The following MRNIP variants were observed in gnomAD, a reference collection of about 807,000 sequenced individuals.
MRNIP encodes the protein MRN complex-interacting protein.
In MRNIP, 30 loss-of-function variants were observed where a neutral mutation model predicts 29.8. The ratio of observed to expected loss-of-function variants is 1.01; its 90% CI spans 0.75 to 1.36. MRNIP has a LOEUF of 1.36. Ranked by LOEUF, MRNIP falls within the 40% of genes most tolerant of loss-of-function variation. The probability of loss-of-function intolerance (pLI) is 0.00; values close to 1 mark genes in which losing one functional copy is unlikely to be tolerated. For missense variants in MRNIP, 459 were observed against 423.5 expected (o/e 1.08, Z -0.74); for synonymous variants, 201 against 164.1 (o/e 1.23, Z -1.72).
At chr5:179,846,483 G>C (rs112379609) in intron 3 of MRNIP, among the ~76,000 whole-genome samples, 1 of 151,850 alleles carries the variant, frequency 6.6e-6, no homozygotes. Flanking sequence ...GGATTTCATC[G>C]TATTGGCCAG....
At chr5:179,840,661 C>A (rs1471198700) in intron 6 of MRNIP, 4 of 599,964 alleles carry the variant, frequency 6.7e-6, no homozygotes, top group Non-Finnish European at 1.2e-5. Flanking sequence ...TCCTGAGTTA[C>A]CCTCATGGGA....
chr5:179,847,567 T>C (rs1240607082), intron 3 of MRNIP: 1 of 161,926 alleles, frequency 6.2e-6, no homozygotes, highest in Non-Finnish European at 1.4e-5. Flanking sequence ...ACTGCCATAT[T>C]GTAAGACGTG....
intron 1 of MRNIP, among the ~76,000 whole-genome samples, chr5:179,854,710 A>G (rs1454853021): frequency 6.6e-6 from 1 of 152,224 alleles, no homozygotes; most frequent in African/African-American, 2.4e-5. Flanking sequence ...AACCAAATCC[A>G]AACAAAACAA....
At position 179,837,466 on chromosome 5, in the gene MRNIP, C is replaced by T. The variant is rs139424223; in HGVS notation, c.957G>A (p.Leu319=). The change falls in exon 7 of 7, where the codon CTG becomes CTA. Residue 319 remains leucine, a synonymous_variant. Coordinates refer to ENST00000292586, the MANE Select transcript of MRNIP (RefSeq NM_016175.4). ...TPWAEGGPLV[L]EAQNPRPTRL... is the part of the protein sequence containing the mutation. ...GTGTGGGTCGAGGATTCTGTGCCTC[C>T]AGGACCAGGGGCCCACCCTCTGCCC... is the stretch of plus-strand genomic sequence containing the variant. 4.3e-6 allele frequency: 7 copies of T among 1,613,614 alleles called. No homozygotes were observed. In the African/African-American group the frequency reaches 9.3e-5, roughly 22 times the overall value.
intron 2 of MRNIP, 105 bp downstream of exon 2, chr5:179,853,273 A>G (rs1288887262): frequency 6.3e-7 from 1 of 1,598,276 alleles, no homozygotes; most frequent in Non-Finnish European, 8.5e-7. Flanking sequence ...GTGTCTGGGG[A>G]ACTCTGTTTG....
chr5:179,846,208 G>C (rs1759122699), intron 3 of MRNIP: 1 of 151,838 alleles, frequency 6.6e-6, no homozygotes, highest in Non-Finnish European at 1.5e-5. Context: ...TCCTGGTGGT[G>C]TATTTCCTTG....
intron 4 of MRNIP, among the ~76,000 whole-genome samples, chr5:179,843,079 G>GAGGGAGGC (rs1758981397): frequency 7.3e-6 from 1 of 136,902 alleles, no homozygotes; most frequent in Non-Finnish European, 1.6e-5. Context: ...GGGAGGGAGG[G>GAGGGAGGC]AGGCAGGCAA....
chr5:179,842,184 A>C (rs1385581204), intron 4 of MRNIP, 120 bp from the exon 5 acceptor site: 7 of 979,704 alleles, frequency 7.1e-6, no homozygotes, highest in Non-Finnish European at 1.1e-5. Context: ...CCACTCTAGG[A>C]AAGGCACCGG....
rs369375575 is a variant in MRNIP, at chr5:179,841,859, G to C, written c.449+48C>G. The C allele has an allele frequency of 3.8e-6, 6 of 1,584,860 alleles. No homozygotes were observed. In the African/African-American group the frequency reaches 8.1e-5, roughly 21 times the overall value. ...GGCTCACTGGTGCCCCACTGCTGGA[G>C]GCAGCAGAGGCCCTGGGCCAGGGCT... On this transcript the variant is annotated intron_variant, in intron 5 of 6. Coordinates refer to ENST00000292586, the MANE Select transcript of MRNIP (RefSeq NM_016175.4).
chr5:179,851,039 G>C (rs887701410), intron 2 of MRNIP: 2 of 362,524 alleles, frequency 5.5e-6, no homozygotes, highest in Admixed American at 7.0e-5. Context: ...ATCTTCCCAG[G>C]ACTGTTATGA....
chr5:179,851,882 G>A (rs1759384583), intron 2 of MRNIP, among the ~76,000 whole-genome samples: 1 of 152,018 alleles, frequency 6.6e-6, no homozygotes, highest in Non-Finnish European at 1.5e-5. Flanking sequence ...GGAGGCTGAG[G>A]CAGGAGAATG....
chr5:179,840,696 G>C (rs372505727), intron 6 of MRNIP, 176 bp downstream of exon 6: 31 of 620,436 alleles, frequency 5.0e-5, no homozygotes, highest in Admixed American at 2.3e-4. Flanking sequence ...GAGGGAAAAG[G>C]GGGTACAGAC....
rs577212439 is a variant in MRNIP, at chr5:179,844,024, C to T, written c.291+128G>A. ...TTATTTATTTTTGTGTTCCCTGCAG[C>T]TTTAAGCCAACTGCCTGTCATTGGG... On this transcript the variant is annotated intron_variant, in intron 4 of 6. Coordinates refer to ENST00000292586, the MANE Select transcript of MRNIP (RefSeq NM_016175.4). The T allele has an allele frequency of 2.2e-5, 17 of 772,446 alleles. No homozygotes were observed. The East Asian group carries it at 2.2e-4, about 10-fold the overall frequency. 47.8% of individuals were successfully genotyped at this position (772,446 alleles called of 1,614,324 possible). A position where few individuals can be genotyped will look rare whatever the true frequency, so the allele number is the denominator to read the frequency against.
At chr5:179,845,836 G>A (rs1412556420) in intron 3 of MRNIP, 1 of 152,080 alleles carries the variant, frequency 6.6e-6, no homozygotes, top group African/African-American at 2.4e-5. Flanking sequence ...TTTTTTGGAT[G>A]TGAGGGTGAT....
At chr5:179,843,041 A>AGAAGAGGAAAGAAGGAAAGAAG in intron 4 of MRNIP, among the ~76,000 whole-genome samples, 1 of 106,294 alleles carries the variant, frequency 9.4e-6, no homozygotes, top group East Asian at 3.0e-4. Flanking sequence ...AAAGGAGGAA[A>AGAAGAGGAAAGAAGGAAAGAAG]GAAGGAAGGA....
At chr5:179,847,924 C>A in intron 3 of MRNIP, 54 bp downstream of exon 3, 1 of 1,195,152 alleles carries the variant, frequency 8.4e-7, no homozygotes, top group East Asian at 2.3e-5. Flanking sequence ...CTTCTATTAT[C>A]CAGTCAAGAC....
At chr5:179,858,569 G>T (rs923699461) in intron 1 of MRNIP, among the ~76,000 whole-genome samples, 162 bp downstream of exon 1, 1 of 152,174 alleles carries the variant, frequency 6.6e-6, no homozygotes, top group African/African-American at 2.4e-5. Flanking sequence ...AGCTCAGAAC[G>T]TTATGCGGGG....
At chr5:179,854,891 C>T (rs1022878524) in intron 1 of MRNIP, among the ~76,000 whole-genome samples, 1 of 152,146 alleles carries the variant, frequency 6.6e-6, no homozygotes, top group Non-Finnish European at 1.5e-5. Flanking sequence ...CACTCTAATG[C>T]TGGAGAATCT....
At chr5:179,845,842 G>GT in intron 3 of MRNIP, 1 of 152,138 alleles carries the variant, frequency 6.6e-6, no homozygotes, top group Middle Eastern at 3.2e-3. Context: ...GGATGTGAGG[G>GT]TGATGTGGCT....
Sources: gnomAD v4.1 joint callset for allele counts (sites outside exome capture counted in the v4.1 genomes callset) on GRCh38, gnomAD v4.1.1 for gene constraint, MANE v1.5 for transcripts, NCBI Gene and HGNC (gene_info 2026-07-23, HGNC 2026-07-21) for gene names.